SAMD7: variants seen among roughly 807,000 people sequenced by gnomAD.
The protein encoded by SAMD7 is sterile alpha motif domain containing 7.
Under a neutral mutation model 36.7 loss-of-function variants are expected in SAMD7, and 34 were observed. The observed-to-expected ratio is 0.93, with a 90% CI of 0.71 to 1.23. SAMD7 has a LOEUF of 1.23. SAMD7 is among the 50% of genes most tolerant of loss of function. SAMD7 has a pLI of 0.00. For missense variants in SAMD7, 570 were observed against 546.6 expected (o/e 1.04, Z -0.43); for synonymous variants, 188 against 189.7 (o/e 0.99, Z 0.07).
chr3:169,919,131 T>C (rs532643209), intron 2 of SAMD7, among the ~76,000 whole-genome samples: 16 of 151,916 alleles, frequency 1.1e-4, no homozygotes, highest in Admixed American at 5.2e-4. Flanking sequence ...GGGCAAAAAT[T>C]GAAACTCCAT....
intron 4 of SAMD7, among the ~76,000 whole-genome samples, chr3:169,924,607 A>G (rs1713178935): frequency 6.6e-6 from 1 of 152,134 alleles, no homozygotes; most frequent in Non-Finnish European, 1.5e-5. Flanking sequence ...ATAGATTATA[A>G]ATCTTCTGAC....
chr3:169,936,236 A>G, intron 7 of SAMD7, 103 bp from the exon 8 acceptor site: 1 of 708,582 alleles, frequency 1.4e-6, no homozygotes, highest in Non-Finnish European at 2.4e-6. Context: ...GTCATCCTCA[A>G]GCAGTCTTAA....
chr3:169,925,578 C>A (rs1290672), intron 5 of SAMD7, among the ~76,000 whole-genome samples: 11 of 151,854 alleles, frequency 7.2e-5, no homozygotes, highest in Admixed American at 6.5e-4. Context: ...TACAAAAAAA[C>A]CAGCCAGGGG....
intron 4 of SAMD7, among the ~76,000 whole-genome samples, chr3:169,923,712 A>G (rs967648594): frequency 6.6e-6 from 1 of 152,234 alleles, no homozygotes; most frequent in African/African-American, 2.4e-5. Flanking sequence ...ATTACACTCC[A>G]GCCTGGACTT....
chr3:169,922,908 A>G (rs1436095863), intron 4 of SAMD7, among the ~76,000 whole-genome samples: 1 of 152,236 alleles, frequency 6.6e-6, no homozygotes, highest in East Asian at 1.9e-4. Context: ...AGTAAGATGA[A>G]AACTGAGAAT....
chr3:169,933,196 CTG>C (rs1713586461), intron 7 of SAMD7: 4 of 693,148 alleles, frequency 5.8e-6, no homozygotes, highest in Non-Finnish European at 1.1e-5. Context: ...GGGATGGACA[CTG>C]TATGGTAGAA....
In SAMD7 at chr3:169,921,125, G is replaced by A. The variant is rs77310548; in HGVS notation, c.87-89G>A. The A allele has an allele frequency of 2.2e-3, 2,511 of 1,165,732 alleles. 27 individuals carry two copies. The African/African-American group carries it at 0.028, about 13-fold the overall frequency. The allele number at this position is 1,165,732 out of a possible 1,614,324, so 72.2% of individuals were successfully genotyped here. A position where few individuals can be genotyped will look rare whatever the true frequency, so the allele number is the denominator to read the frequency against. On this transcript the variant is annotated intron_variant, in intron 3 of 8. Coordinates refer to ENST00000335556, the MANE Select transcript of SAMD7 (RefSeq NM_001304366.2). ...AGAAGAGATGATAGAATCCCATATG[G>A]CAATAACAAAATCTCATTGTCTCAG...
intron 2 of SAMD7, among the ~76,000 whole-genome samples, chr3:169,918,674 C>T (rs550031989): frequency 1.3e-5 from 2 of 152,298 alleles, no homozygotes; most frequent in South Asian, 2.1e-4. Flanking sequence ...AATACAGTCT[C>T]GTGCAGTCTG....
In SAMD7 at chr3:169,937,989, A is replaced by G. The variant is rs1213511364; in HGVS notation, c.1153-329A>G. Among the ~76,000 whole-genome samples the G allele has an allele frequency of 2.0e-5, 3 of 152,196 alleles. No homozygotes were observed. In the South Asian group the frequency reaches 6.2e-4, roughly 32 times the overall value. ...CCCCATTGCCTTCAGAGCCAAAGCC[A>G]AAGACCTATGTCATTTGTGCTCCTC... On this transcript the variant is annotated intron_variant, in intron 8 of 8. Transcript: ENST00000335556.
intron 7 of SAMD7, among the ~76,000 whole-genome samples, chr3:169,929,610 C>G (rs1713409252): frequency 6.6e-6 from 1 of 152,108 alleles, no homozygotes; most frequent in African/African-American, 2.4e-5. Flanking sequence ...GGTTGTGTGA[C>G]CTAGGACAAG....
intron 3 of SAMD7, among the ~76,000 whole-genome samples, chr3:169,919,842 A>G (rs966741877): frequency 6.6e-6 from 1 of 152,222 alleles, no homozygotes; most frequent in African/African-American, 2.4e-5. Context: ...GTGCAGGTGC[A>G]AACACTGGAG....
chr3:169,926,872 C>A lies in SAMD7; in HGVS notation c.610C>A (p.Gln204Lys). Residue 204 changes from glutamine to lysine, a missense_variant, in exon 6 of 9, where the codon CAA (glutamine) becomes AAA (lysine). Gln to Lys is a moderately conservative substitution (Grantham distance 53). Coordinates refer to ENST00000335556, the MANE Select transcript of SAMD7 (RefSeq NM_001304366.2). ...CAGTGATGCTGAGAGTTCCAAAAGT[C>A]AAGCAGAAGAAAAAATCCTAGGTCA... ...LDSDAESSKS[Q>K]AEEKILGQTH... 1 of 1,613,844 alleles carries A rather than the reference C, an allele frequency of 6.2e-7. No individual in the cohort carries two copies. Among genetic ancestry groups the A allele is most frequent in the Non-Finnish European group, 8.5e-7 (1 of 1,179,958 alleles).
intron 1 of SAMD7, among the ~76,000 whole-genome samples, chr3:169,915,162 G>A (rs916980509): frequency 6.6e-6 from 1 of 152,238 alleles, no homozygotes; most frequent in Admixed American, 6.5e-5. Flanking sequence ...TGCCCTTCAT[G>A]AGGACAATTC....
chr3:169,916,283 GA>G (rs1391271140), intron 2 of SAMD7, among the ~76,000 whole-genome samples: 1 of 152,182 alleles, frequency 6.6e-6, no homozygotes, highest in Non-Finnish European at 1.5e-5. Flanking sequence ...TGGAAGTGGA[GA>G]ACTGTTGTCC....
chr3:169,918,367 C>A (rs1435660749), intron 2 of SAMD7, among the ~76,000 whole-genome samples: 1 of 152,136 alleles, frequency 6.6e-6, no homozygotes, highest in African/African-American at 2.4e-5. Flanking sequence ...TCCTCCCTTC[C>A]CCCTTCCACC....
chr3:169,922,568 C>T lies in SAMD7; in HGVS notation c.211+1230C>T, dbSNP rs191581029. Among the ~76,000 whole-genome samples, 183 of 152,328 alleles carry T rather than the reference C, an allele frequency of 1.2e-3. 2 individuals carry two copies. The highest frequency in any genetic ancestry group is 4.3e-3 in the African/African-American group (177 of 41,584). The stretch of plus-strand genomic sequence containing the variant: ...AGGCTGGAGTGCAATGGCACAATCT[C>T]GGCTCACTGCAACCTTTGCCTCCCT... On this transcript the variant is annotated intron_variant, in intron 4 of 8. Coordinates refer to ENST00000335556, the MANE Select transcript of SAMD7 (RefSeq NM_001304366.2).
chr3:169,919,683 T>C (rs1712960610), intron 3 of SAMD7, 99 bp downstream of exon 3: 1 of 989,382 alleles, frequency 1.0e-6, no homozygotes. Flanking sequence ...TTGCCTAATA[T>C]TATTTCAGTG....
At chr3:169,930,463 C>A (rs1456082547) in intron 7 of SAMD7, among the ~76,000 whole-genome samples, 4 of 152,144 alleles carry the variant, frequency 2.6e-5, no homozygotes, top group Non-Finnish European at 4.4e-5. Flanking sequence ...TGGGGAGATG[C>A]CCTCTGGATG....
At chr3:169,921,425 A>G in intron 4 of SAMD7, 87 bp downstream of exon 4, 1 of 1,380,826 alleles carries the variant, frequency 7.2e-7, no homozygotes, top group Non-Finnish European at 1.0e-6. Context: ...TTACTCCTAA[A>G]TTTTGGAGGC....
Sources: gnomAD v4.1 joint callset for allele counts (sites outside exome capture counted in the v4.1 genomes callset) on GRCh38, gnomAD v4.1.1 for gene constraint, MANE v1.5 for transcripts, NCBI Gene and HGNC (gene_info 2026-07-23, HGNC 2026-07-21) for gene names.